Variants in SPRED1 observed in about 807,000 individuals in gnomAD.
SPRED1 encodes sprouty-related, EVH1 domain-containing protein 1.
A neutral mutation model predicts 52.3 loss-of-function variants in SPRED1; 18 were observed. That is an observed-to-expected ratio of 0.34 (90% CI 0.24 to 0.51). The LOEUF is 0.51. Ranked by LOEUF, SPRED1 falls within the 20% of genes least tolerant of loss-of-function variation. SPRED1 has a pLI of 0.97. For synonymous variants in SPRED1, 155 were observed against 179.7 expected, an observed-to-expected ratio of 0.86 and a Z score of 1.10; for missense variants, 485 against 551.0, an observed-to-expected ratio of 0.88 and a Z score of 1.20.
At chr15:38,277,717 T>C (rs963715108) in intron 1 of SPRED1, among the ~76,000 whole-genome samples, 2 of 152,228 alleles carry the variant, frequency 1.3e-5, no homozygotes, top group African/African-American at 4.8e-5. Context: ...GCTAAACTAA[T>C]TTACATTCCC....
chr15:38,289,015 A>G (rs1462452711), intron 1 of SPRED1, among the ~76,000 whole-genome samples: 1 of 152,182 alleles, frequency 6.6e-6, no homozygotes, highest in Non-Finnish European at 1.5e-5. Flanking sequence ...CGGAATTTAA[A>G]CTACAGGTTT....
chr15:38,259,245 T>G (rs1894159413), intron 1 of SPRED1, among the ~76,000 whole-genome samples: 1 of 152,138 alleles, frequency 6.6e-6, no homozygotes. Context: ...TCAATTTTGT[T>G]TTTTATGTAT....
chr15:38,314,625 G>T (rs907427592), intron 2 of SPRED1, among the ~76,000 whole-genome samples: 31 of 151,730 alleles, frequency 2.0e-4, no homozygotes, highest in African/African-American at 7.3e-4. Context: ...TAGAAGTGTG[G>T]GTTTATTGGA....
In SPRED1 at chr15:38,322,384, A is replaced by G; in HGVS notation, c.351A>G (p.Arg117=). ...CTAGGGCTTTTGATAGAGGTATCCG[A>G]AGAGCTATAGAGGATATTTCTCAAG... ...ADARAFDRGI[R]RAIEDISQGC... The change falls in exon 3 of 7, where the codon CGA becomes CGG. Residue 117 remains arginine, a synonymous_variant. Transcript: ENST00000299084. The G allele has an allele frequency of 6.2e-7, 1 of 1,613,852 alleles. No individual in the cohort carries two copies. The highest frequency in any genetic ancestry group is 1.3e-5 in the African/African-American group (1 of 75,020).
chr15:38,270,297 A>C (rs1484392564), intron 1 of SPRED1, among the ~76,000 whole-genome samples: 1 of 152,104 alleles, frequency 6.6e-6, no homozygotes, highest in East Asian at 1.9e-4. Flanking sequence ...GAAAGTTTCT[A>C]ATTGTTTTTT....
rs1227264419 is a variant in SPRED1, at chr15:38,352,122, T to A, written c.*458T>A. On this transcript the variant is annotated 3_prime_UTR_variant, in exon 7 of 7. Transcript: ENST00000299084. ...AGTAAAACAAGTGCAACTAAATCAT[T>A]TATTAGTTGTTTTTTGAAAGCAGTT... 3 of 169,550 alleles carry A rather than the reference T, an allele frequency of 1.8e-5. No homozygotes were observed. Among genetic ancestry groups the A allele is most frequent in the African/African-American group, 7.2e-5 (3 of 41,646 alleles). The allele number at this position is 169,550 out of a possible 1,614,324, so 10.5% of individuals were successfully genotyped here.
chr15:38,304,786 C>G lies in SPRED1; in HGVS notation c.207+5239C>G, dbSNP rs1040415839. Among the ~76,000 whole-genome samples the G allele has an allele frequency of 2.0e-5, 3 of 152,108 alleles. No homozygotes were observed. In the East Asian group the frequency reaches 5.8e-4, roughly 29 times the overall value. The stretch of plus-strand genomic sequence containing the variant: ...ATTTCCTGTCATTTCTTTTTTATTC[C>G]CCTCCTACTGCTCTTCAATTTCATG... On this transcript the variant is annotated intron_variant, in intron 2 of 6. Coordinates refer to ENST00000299084, the MANE Select transcript of SPRED1 (RefSeq NM_152594.3).
chr15:38,283,678 A>G, intron 1 of SPRED1: 1 of 197,688 alleles, frequency 5.1e-6, no homozygotes, highest in Non-Finnish European at 9.1e-6. Context: ...CTTTCCAGTC[A>G]CAGCAGAACT....
chr15:38,351,339 A>ACCTCG lies in SPRED1; in HGVS notation c.1011_1012insCTCGC (p.Cys338LeufsTer70). 6.2e-7 allele frequency: 1 copy of ACCTCG among 1,614,174 alleles called. No homozygotes were observed. The highest frequency in any genetic ancestry group is 8.5e-7 in the Non-Finnish European group (1 of 1,180,014). On this transcript the variant is annotated frameshift_variant, in exon 7 of 7. Coordinates refer to ENST00000299084, the MANE Select transcript of SPRED1 (RefSeq NM_152594.3). LOFTEE classifies it high-confidence loss of function. ...GATGGTGAACGTTCTCGCTGCGTAT[A>ACCTCG]CTGCCAGGAAAGGTTTAATCATGAA... is the stretch of plus-strand genomic sequence containing the variant.
In SPRED1 at chr15:38,253,145, G is replaced by T; in HGVS notation, c.-41G>T. On this transcript the variant is annotated 5_prime_UTR_variant, in exon 1 of 7. Transcript: ENST00000299084. ...TGCTGCTGTTGCTCCCCCGCCTGCT[G>T]TTGCTCCTCCATCTCCAGATCGGAT... is the stretch of plus-strand genomic sequence containing the variant. The T allele has an allele frequency of 6.4e-7, 1 of 1,563,378 alleles. No homozygotes were observed. The highest frequency in any genetic ancestry group is 8.7e-7 in the Non-Finnish European group (1 of 1,153,126).
chr15:38,253,211 A>T lies in SPRED1; in HGVS notation c.26A>T (p.Asp9Val), dbSNP rs200157475. The T allele has an allele frequency of 3.0e-4, 473 of 1,578,420 alleles. 2 individuals are homozygous for T. Among genetic ancestry groups the T allele is most frequent in the South Asian group, 2.3e-3 (200 of 86,326 alleles). Residue 9 changes from aspartate (D) to valine (V), a missense_variant, in exon 1 of 7, where the codon GAC becomes GTC. Physicochemically the swap from Asp to Val is radical, Grantham distance 152 (BLOSUM62 -3). Around this residue, in one of 5 missense-constraint regions of SPRED1, gnomAD observed 34 missense variants for 25.8 expected, o/e 1.32. Coordinates refer to ENST00000299084, the MANE Select transcript of SPRED1 (RefSeq NM_152594.3). MSEETATSDNDNSYARVRA... is the reference protein window; with the variant it reads MSEETATSVNDNSYARVRA... ...ATGAGCGAGGAGACGGCGACTTCTG[A>T]CAACGAGTAAGCGCCTCATTGATCT...
At chr15:38,280,459 AC>A (rs1326861218) in intron 1 of SPRED1, among the ~76,000 whole-genome samples, 20 of 152,154 alleles carry the variant, frequency 1.3e-4, no homozygotes, top group African/African-American at 4.6e-4. Flanking sequence ...AGAAAAGATA[AC>A]CTTATCTATA....
chr15:38,285,897 C>T (rs1040408479), intron 1 of SPRED1, among the ~76,000 whole-genome samples: 1 of 152,142 alleles, frequency 6.6e-6, no homozygotes, highest in Non-Finnish European at 1.5e-5. Context: ...GCTTTGCTTC[C>T]AGAAAACATA....
intron 1 of SPRED1, among the ~76,000 whole-genome samples, chr15:38,286,469 G>A (rs372285585): frequency 6.7e-6 from 1 of 150,266 alleles, no homozygotes; most frequent in East Asian, 1.9e-4. Flanking sequence ...CACATAATCT[G>A]CAAACAAGAA....
intron 1 of SPRED1, among the ~76,000 whole-genome samples, chr15:38,289,212 A>G (rs1409915285): frequency 3.0e-5 from 4 of 132,020 alleles, no homozygotes; most frequent in African/African-American, 1.1e-4. Context: ...AAAAACTGCA[A>G]TCAGTGCTTT....
At chr15:38,301,657 T>C (rs769229637) in intron 2 of SPRED1, among the ~76,000 whole-genome samples, 6 of 152,162 alleles carry the variant, frequency 3.9e-5, no homozygotes, top group Non-Finnish European at 7.4e-5. Context: ...GAGACGGTGA[T>C]ATTGAAATGA....
chr15:38,290,223 C>T lies in SPRED1; in HGVS notation c.33-9150C>T, dbSNP rs118002938. 9.6e-3 allele frequency among the ~76,000 whole-genome samples: 1,460 copies of T among 152,146 alleles called. 11 individuals carry two copies. The highest frequency in any genetic ancestry group is 0.013 in the Non-Finnish European group (903 of 68,006). On this transcript the variant is annotated intron_variant, in intron 1 of 6. Coordinates refer to ENST00000299084, the MANE Select transcript of SPRED1 (RefSeq NM_152594.3). Reference sequence around the variant, plus strand: ...ACTTTTTATAGTTCTCTTCTTCTGACGTAGACCAAGAGAATTTCAGAATGA... The same window carrying T: ...ACTTTTTATAGTTCTCTTCTTCTGATGTAGACCAAGAGAATTTCAGAATGA...
At chr15:38,292,932 G>T (rs572482482) in intron 1 of SPRED1, among the ~76,000 whole-genome samples, 90 of 152,152 alleles carry the variant, frequency 5.9e-4, no homozygotes, top group Admixed American at 2.4e-3. Flanking sequence ...TTAAGTCATT[G>T]TAATAACATT....
intron 5 of SPRED1, among the ~76,000 whole-genome samples, chr15:38,347,713 A>G (rs1386626418): frequency 6.6e-6 from 1 of 151,916 alleles, no homozygotes; most frequent in Non-Finnish European, 1.5e-5. Context: ...ATTTTATAGG[A>G]TTATTTCTTT....
Sources: allele counts gnomAD v4.1 joint callset (sites outside exome capture counted in the v4.1 genomes callset), GRCh38; gene constraint gnomAD v4.1.1; regional missense constraint gnomAD v4.1.1; transcripts MANE v1.5; gene names NCBI Gene and HGNC (gene_info 2026-07-23, HGNC 2026-07-21).